Variants in SKIC3 observed in about 807,000 individuals in gnomAD.
SKIC3 encodes superkiller complex protein 3.
At chr5:95,530,869 A>G in the SKIC3 span, among the ~76,000 whole-genome samples, 1 of 152,222 alleles carries the variant, frequency 6.6e-6, no homozygotes, top group Non-Finnish European at 1.5e-5. Flanking sequence ...AAAACATTAT[A>G]TATTTTGTAA....
At chr5:95,498,461 T>C in the SKIC3 span, 1 of 1,614,182 alleles carries the variant, frequency 6.2e-7, no homozygotes, top group Non-Finnish European at 8.5e-7. Flanking sequence ...CTCTGATAAT[T>C]ACTGTCTTTG....
the SKIC3 span, chr5:95,467,813 C>T: frequency 2.5e-6 from 4 of 1,607,546 alleles, no homozygotes; most frequent in African/African-American, 4.0e-5. Flanking sequence ...AAAGATAAAA[C>T]ATTTTAAATA....
chr5:95,532,513 T>C, the SKIC3 span, among the ~76,000 whole-genome samples: 1 of 152,136 alleles, frequency 6.6e-6, no homozygotes, highest in Non-Finnish European at 1.5e-5. Flanking sequence ...ACAAGGAATA[T>C]TTCAGCTTCA....
the SKIC3 span, among the ~76,000 whole-genome samples, chr5:95,515,887 A>G: frequency 6.6e-6 from 1 of 152,268 alleles, no homozygotes; most frequent in East Asian, 1.9e-4. Context: ...ATAATTGCTC[A>G]AGTATGACAA....
At chr5:95,543,623 C>T in the SKIC3 span, among the ~76,000 whole-genome samples, 1 of 152,154 alleles carries the variant, frequency 6.6e-6, no homozygotes, top group African/African-American at 2.4e-5. Flanking sequence ...ATAAAAAGAA[C>T]AATAACTACT....
At chr5:95,516,513 T>C in the SKIC3 span, 59 of 1,613,184 alleles carry the variant, frequency 3.7e-5, no homozygotes, top group African/African-American at 6.7e-5. Context: ...CATAGACACA[T>C]AGAATACTCA....
the SKIC3 span, chr5:95,530,226 T>C: frequency 7.4e-6 from 12 of 1,613,082 alleles, no homozygotes; most frequent in Admixed American, 1.7e-5. Context: ...ATCAGTAAGA[T>C]TTCCTGGAAT....
chr5:95,542,484 A>C, the SKIC3 span, among the ~76,000 whole-genome samples: 1 of 152,150 alleles, frequency 6.6e-6, no homozygotes, highest in Admixed American at 6.5e-5. Flanking sequence ...TACCTTTATG[A>C]TATGATCAAA....
At chr5:95,520,763 A>G in the SKIC3 span, 55 of 1,612,340 alleles carry the variant, frequency 3.4e-5, 1 homozygote, top group African/African-American at 5.5e-4. Flanking sequence ...CGGCTTTTCC[A>G]TCAAGATAAT....
At chr5:95,497,291 A>G in the SKIC3 span, 2 of 931,216 alleles carry the variant, frequency 2.1e-6, no homozygotes, top group African/African-American at 1.6e-5. Context: ...AATTTAGTTA[A>G]TAACAGAACT....
chr5:95,540,815 G>A, the SKIC3 span: 1 of 1,613,948 alleles, frequency 6.2e-7, no homozygotes, highest in Non-Finnish European at 8.5e-7. Context: ...ATCAACTTGT[G>A]CCATGTTCGA....
chr5:95,465,157 T>C, the SKIC3 span, among the ~76,000 whole-genome samples: 1 of 152,112 alleles, frequency 6.6e-6, no homozygotes, highest in Admixed American at 6.5e-5. Context: ...CTCAAACTTC[T>C]GACCTCAAGT....
At chr5:95,498,293 G>T in the SKIC3 span, 1 of 1,430,112 alleles carries the variant, frequency 7.0e-7, no homozygotes, top group East Asian at 2.3e-5. Flanking sequence ...TTATTTTATA[G>T]TATTAATAAA....
the SKIC3 span, among the ~76,000 whole-genome samples, chr5:95,546,359 A>AAC: frequency 1.6e-4 from 24 of 151,936 alleles, no homozygotes; most frequent in African/African-American, 5.6e-4. Flanking sequence ...AAACAAAAAA[A>AAC]AAAACAAAGA....
the SKIC3 span, chr5:95,546,960 A>G: frequency 8.2e-7 from 1 of 1,216,244 alleles, no homozygotes; most frequent in Non-Finnish European, 1.2e-6. Context: ...TGGCCTTACC[A>G]CTTTTGCTGT....
At chr5:95,501,672 T>C in the SKIC3 span, among the ~76,000 whole-genome samples, 5 of 152,054 alleles carry the variant, frequency 3.3e-5, no homozygotes, top group East Asian at 7.7e-4. Flanking sequence ...TGCCTTCACA[T>C]AGGAGAAGGG....
the SKIC3 span, among the ~76,000 whole-genome samples, chr5:95,546,358 A>G: frequency 6.6e-6 from 1 of 151,792 alleles, no homozygotes; most frequent in Non-Finnish European, 1.5e-5. Context: ...AAAACAAAAA[A>G]AAAAACAAAG....
the SKIC3 span, among the ~76,000 whole-genome samples, chr5:95,538,298 ATT>A: frequency 6.6e-6 from 1 of 152,144 alleles, no homozygotes; most frequent in African/African-American, 2.4e-5. Context: ...AAGCTACCTA[ATT>A]TTGTCACTGC....
the SKIC3 span, among the ~76,000 whole-genome samples, chr5:95,502,282 C>T: frequency 6.6e-6 from 1 of 152,136 alleles, no homozygotes; most frequent in South Asian, 2.1e-4. Flanking sequence ...GCCAATAAAA[C>T]ACTCACTGAG....
Sources: allele counts gnomAD v4.1 joint callset (sites outside exome capture counted in the v4.1 genomes callset), GRCh38; gene constraint gnomAD v4.1.1; transcripts MANE v1.5; gene names NCBI Gene and HGNC (gene_info 2026-07-23, HGNC 2026-07-21).